DSG1: variants seen among roughly 807,000 people sequenced by gnomAD.
DSG1 encodes desmoglein 1.
DSG1 carries 39 observed loss-of-function variants against 97.5 expected under a neutral mutation model. The ratio of observed to expected loss-of-function variants is 0.40; its 90% confidence interval spans 0.31 to 0.52. The LOEUF (loss-of-function observed/expected upper bound fraction) is 0.52, where lower values mean the gene tolerates loss of function less well. DSG1 is among the 20% of genes least tolerant of loss of function. The probability of loss-of-function intolerance (pLI) is 0.53; values close to 1 mark genes in which losing one functional copy is unlikely to be tolerated. For synonymous variants in DSG1, 475 were observed against 443.4 expected (o/e 1.07, Z -0.90); for missense variants, 1,311 against 1,295.4 (o/e 1.01, Z -0.18).
chr18:31,346,203 G>A lies in DSG1; in HGVS notation c.2100+5G>A, dbSNP rs557666659. 1.2e-6 allele frequency: 2 copies of A among 1,611,664 alleles called. No homozygotes were observed. Among genetic ancestry groups the A allele is most frequent in the East Asian group, 2.2e-5 (1 of 44,836 alleles). On this transcript the variant is annotated splice_donor_5th_base_variant and intron_variant, in intron 14 of 14. Coordinates refer to ENST00000257192, the MANE Select transcript of DSG1 (RefSeq NM_001942.4). ...ATGGAAAGCTACTTCTGTCAGGTAA[G>A]GTCCCTAGCCACATGCCTTTCTCGC...
In DSG1 at chr18:31,358,361, C is replaced by T. The variant is rs1257434911; in HGVS notation, c.*3015C>T. Among the ~76,000 whole-genome samples, 1 of 151,896 alleles carries T rather than the reference C, an allele frequency of 6.6e-6. No individual in the cohort carries two copies. The highest frequency in any genetic ancestry group is 1.5e-5 in the Non-Finnish European group (1 of 67,876). On this transcript the variant is annotated 3_prime_UTR_variant, in exon 15 of 15. Coordinates refer to ENST00000257192, the MANE Select transcript of DSG1 (RefSeq NM_001942.4). ...CTAAGCATGTTGTCTGATGTAATTG[C>T]ATTTGCACTGAAAAATTAAAAGAAA...
chr18:31,354,124 A>G lies in DSG1; in HGVS notation c.2101-173A>G, dbSNP rs60226049. 8,297 of 624,494 alleles carry G rather than the reference A, an allele frequency of 0.013. 548 individuals are homozygous for G. The African/African-American group carries it at 0.14, about 10-fold the overall frequency. 38.7% of individuals were successfully genotyped at this position (624,494 alleles called of 1,614,324 possible). ...TATACTTAAAATGATTTCTAACCAA[A>G]TTATTTCAAATAATTATAAAATGAT... On this transcript the variant is annotated intron_variant, in intron 14 of 14. Transcript: ENST00000257192.
At chr18:31,345,895 C>A (rs943473517) in intron 13 of DSG1, 95 bp from the exon 14 acceptor site, 44 of 931,486 alleles carry the variant, frequency 4.7e-5, no homozygotes, top group African/African-American at 6.6e-5. Context: ...CAAATGCATA[C>A]CTAAATGAAA....
At chr18:31,342,899 T>A (rs78905599) in intron 11 of DSG1, among the ~76,000 whole-genome samples, 40,637 of 103,528 alleles carry the variant, frequency 0.39, 6,265 homozygotes, top group South Asian at 0.48. Flanking sequence ...CTATCTGTGA[T>A]TTTTTTTTTT....
At position 31,343,414 on chromosome 18, in the gene DSG1, G is replaced by T. The variant is rs371834114; in HGVS notation, c.1688-36G>T. The T allele has an allele frequency of 5.0e-6, 8 of 1,613,930 alleles. No individual in the cohort carries two copies. The East Asian group carries it at 6.7e-5, about 13-fold the overall frequency. On this transcript the variant is annotated intron_variant, in intron 11 of 14. Coordinates refer to ENST00000257192, the MANE Select transcript of DSG1 (RefSeq NM_001942.4). ...TTGTTTTGTTTTTTATTTGCACCCA[G>T]TGCTAACTCTAGTATTACTATCCCT...
rs2071690797 is a variant in DSG1 at position 31,327,151 on chromosome 18, A to C, written c.216+146A>C. On this transcript the variant is annotated intron_variant, in intron 3 of 14. Transcript: ENST00000257192. Reference sequence around the variant, plus strand: ...ATAGTCACCTAGATGATGAAAACTGAAACTCATAAGGAGAAATTAAGAAAT... The same window carrying C: ...ATAGTCACCTAGATGATGAAAACTGCAACTCATAAGGAGAAATTAAGAAAT... The C allele has an allele frequency of 5.4e-6, 6 of 1,112,042 alleles. No homozygotes were observed. In the South Asian group the frequency reaches 8.4e-5, roughly 15 times the overall value. The allele number at this position is 1,112,042 out of a possible 1,614,324, so 68.9% of individuals were successfully genotyped here. A position where few individuals can be genotyped will look rare whatever the true frequency, so the allele number is the denominator to read the frequency against.
intron 11 of DSG1, among the ~76,000 whole-genome samples, chr18:31,340,593 G>C (rs1271864525): frequency 1.3e-5 from 2 of 151,578 alleles, no homozygotes; most frequent in Non-Finnish European, 2.9e-5. Flanking sequence ...CAGAGAAAGA[G>C]TAAACTCTGA....
chr18:31,354,869 T>A lies in DSG1; in HGVS notation c.2673T>A (p.Asn891Lys), dbSNP rs2071940185. The A allele has an allele frequency of 6.2e-7, 1 of 1,614,184 alleles. No individual in the cohort carries two copies. The highest frequency in any genetic ancestry group is 8.5e-7 in the Non-Finnish European group (1 of 1,180,018). ...TGCCTGACTTGCGAGATGGGTCGAA[T>A]GTTATAGTGACAGAAAGGGTAATAG... ...LEMPDLRDGSNVIVTERVIAP... is the reference protein window; with the variant it reads ...LEMPDLRDGSKVIVTERVIAP... The change falls in exon 15 of 15, where the codon AAT (asparagine) becomes AAA (lysine). Residue 891 changes from asparagine to lysine, a missense_variant. Physicochemically the swap from Asn to Lys is moderately conservative, Grantham distance 94 (BLOSUM62 0). Coordinates refer to ENST00000257192, the MANE Select transcript of DSG1 (RefSeq NM_001942.4).
At chr18:31,335,467 T>C (rs2071746037) in intron 8 of DSG1, among the ~76,000 whole-genome samples, 3 of 152,044 alleles carry the variant, frequency 2.0e-5, no homozygotes, top group Non-Finnish European at 4.4e-5. Flanking sequence ...GGAATGATAA[T>C]TGTTTGCCCA....
chr18:31,344,847 A>AT (rs2071818476), intron 13 of DSG1, among the ~76,000 whole-genome samples: 1 of 152,182 alleles, frequency 6.6e-6, no homozygotes, highest in African/African-American at 2.4e-5. Context: ...TGGTTAGCTT[A>AT]TTTTTCTCAT....
At chr18:31,331,330 C>T (rs1160017055) in intron 5 of DSG1, among the ~76,000 whole-genome samples, 1 of 152,038 alleles carries the variant, frequency 6.6e-6, no homozygotes, top group Non-Finnish European at 1.5e-5. Flanking sequence ...AGGCCAAGAT[C>T]ATATAGCTAG....
chr18:31,329,753 A>G (rs1220265844), intron 4 of DSG1, 139 bp from the exon 5 acceptor site: 2 of 1,046,370 alleles, frequency 1.9e-6, no homozygotes, highest in Non-Finnish European at 1.4e-6. Context: ...TCCCTTAGTG[A>G]CTGTAAGTAG....
chr18:31,356,496 A>C lies in DSG1; in HGVS notation c.*1150A>C, dbSNP rs1327779237. 1 of 152,196 alleles carries C rather than the reference A, an allele frequency of 6.6e-6. No homozygotes were observed. The highest frequency in any genetic ancestry group is 1.5e-5 in the Non-Finnish European group (1 of 68,028). 9.4% of individuals were successfully genotyped at this position (152,196 alleles called of 1,614,324 possible). On this transcript the variant is annotated 3_prime_UTR_variant, in exon 15 of 15. Coordinates refer to ENST00000257192, the MANE Select transcript of DSG1 (RefSeq NM_001942.4). ...AATGTTTAATGGTGAAAGTTGGAAA[A>C]GAATTCTTCTGTAAAGTAATACCAT...
rs1162894883 is a variant in DSG1 at position 31,339,821 on chromosome 18, G to A, written c.1483G>A (p.Glu495Lys). 6.2e-6 allele frequency: 10 copies of A among 1,613,582 alleles called. No homozygotes were observed. The highest frequency in any genetic ancestry group is 1.7e-4 in the Middle Eastern group (1 of 6,060). ...TGGTAATGACGACAGGACTAATACAGAGCCGAACACTAAAATTACTACCAA... is the reference window on the plus strand; with the variant it reads ...TGGTAATGACGACAGGACTAATACAAAGCCGAACACTAAAATTACTACCAA... ...SFGNDDRTNTEPNTKITTNTG... is the reference protein window; with the variant it reads ...SFGNDDRTNTKPNTKITTNTG... Residue 495 changes from glutamate to lysine, a missense_variant, in exon 11 of 15, where the codon GAG (glutamate) becomes AAG (lysine). Transcript: ENST00000257192.
At chr18:31,337,696 C>G (rs2071764151) in intron 9 of DSG1, among the ~76,000 whole-genome samples, 1 of 152,112 alleles carries the variant, frequency 6.6e-6, no homozygotes, top group African/African-American at 2.4e-5. Flanking sequence ...GTAGACGCAA[C>G]CCAGAGCTTA....
At chr18:31,334,774 A>G (rs962942848) in intron 8 of DSG1, among the ~76,000 whole-genome samples, 1 of 152,186 alleles carries the variant, frequency 6.6e-6, no homozygotes, top group South Asian at 2.1e-4. Flanking sequence ...CAACCGGTCC[A>G]GAACAACTGG....
At chr18:31,338,152 C>A (rs1180652168) in intron 9 of DSG1, among the ~76,000 whole-genome samples, 163 bp from the exon 10 acceptor site, 1 of 151,738 alleles carries the variant, frequency 6.6e-6, no homozygotes, top group African/African-American at 2.4e-5. Context: ...CCCTGAGTGG[C>A]TCCATATTGC....
In DSG1 at chr18:31,324,738, G is replaced by A. The variant is rs561870369; in HGVS notation, c.49-1843G>A. Among the ~76,000 whole-genome samples the A allele has an allele frequency of 2.6e-5, 4 of 152,066 alleles. No individual in the cohort carries two copies. In the South Asian group the frequency reaches 8.3e-4, roughly 32 times the overall value. On this transcript the variant is annotated intron_variant, in intron 1 of 14. Coordinates refer to ENST00000257192, the MANE Select transcript of DSG1 (RefSeq NM_001942.4). ...CCATTCCCTCTGTCTCTGCTCCAGCGTACCTCCTTCTCACCTCCAGTCTGC... is the reference window on the plus strand; with the variant it reads ...CCATTCCCTCTGTCTCTGCTCCAGCATACCTCCTTCTCACCTCCAGTCTGC...
At position 31,358,402 on chromosome 18, in the gene DSG1, G is replaced by C. The variant is rs145936339; in HGVS notation, c.*3056G>C. Among the ~76,000 whole-genome samples the C allele has an allele frequency of 0.019, 2,843 of 151,982 alleles. 37 individuals carry two copies. The highest frequency in any genetic ancestry group is 0.048 in the Middle Eastern group (14 of 294). On this transcript the variant is annotated 3_prime_UTR_variant, in exon 15 of 15. Coordinates refer to ENST00000257192, the MANE Select transcript of DSG1 (RefSeq NM_001942.4). ...TTAAAAGAAAAAGTACATATTTAGG[G>C]TTATTTATATATCTTCATCTAGACA...
Sources: allele counts gnomAD v4.1 joint callset (sites outside exome capture counted in the v4.1 genomes callset), GRCh38; gene constraint gnomAD v4.1.1; transcripts MANE v1.5; gene names NCBI Gene and HGNC (gene_info 2026-07-23, HGNC 2026-07-21).